The following VWF variants were observed in gnomAD, a reference collection of about 807,000 sequenced individuals.
VWF encodes von Willebrand factor.
VWF carries 176 observed loss-of-function variants against 308.6 expected under a neutral mutation model. The ratio of observed to expected loss-of-function variants is 0.57; its 90% CI spans 0.50 to 0.65. The LOEUF is 0.65. VWF is among the 30% of genes least tolerant of loss of function. The pLI, the probability that VWF is intolerant of heterozygous loss-of-function variation, is 0.00. For missense variants in VWF, 3,146 were observed against 3,648.2 expected, an observed-to-expected ratio of 0.86 and a Z score of 3.55; for synonymous variants, 1,385 against 1,443.4, an observed-to-expected ratio of 0.96 and a Z score of 0.92.
At position 6,072,317 on chromosome 12, in the gene VWF, G is replaced by T; in HGVS notation, c.1109+14C>A. On this transcript the variant is annotated intron_variant, in intron 9 of 51. Coordinates refer to ENST00000261405, the MANE Select transcript of VWF (RefSeq NM_000552.5). ...AGGCAGGTCTCCCAGAGCACGCTGC[G>T]CAGCCCCCATTACCAGGTGTTGCAG... 6.2e-7 allele frequency: 1 copy of T among 1,612,540 alleles called. No homozygotes were observed. The highest frequency in any genetic ancestry group is 8.5e-7 in the Non-Finnish European group (1 of 1,178,888).
At chr12:5,964,274 G>GCATACATACATGCATACATA (rs1943369840) in intron 47 of VWF, among the ~76,000 whole-genome samples, 41 of 134,778 alleles carry the variant, frequency 3.0e-4, no homozygotes, top group African/African-American at 1.2e-3. Flanking sequence ...ATACATACAT[G>GCATACATACATGCATACATA]CATACATACA....
chr12:6,073,791 A>C (rs771098194), intron 7 of VWF, 50 bp from the exon 8 acceptor site: 2 of 1,611,824 alleles, frequency 1.2e-6, no homozygotes, highest in Non-Finnish European at 8.5e-7. Flanking sequence ...CCACCGGTGC[A>C]TCATCTCACC....
chr12:5,994,532 T>A lies in VWF; in HGVS notation c.6139A>T (p.Met2047Leu). The change falls in exon 36 of 52, where the codon ATG becomes TTG. Residue 2047 changes from methionine to leucine, a missense_variant. Met to Leu is a conservative substitution (Grantham distance 15, BLOSUM62 2). This residue lies in a region of VWF where 989 missense variants were observed against 1,117.4 expected (regional missense o/e 0.89). Transcript: ENST00000261405. ...NMEVNVYGAI[M>L]HEVRFNHLGH... The stretch of plus-strand genomic sequence containing the variant: ...AGGTGATTGAATCTGACCTCATGCA[T>A]GATGGCACCATAAACGTTGACTTCC... The A allele has an allele frequency of 6.2e-7, 1 of 1,614,048 alleles. No individual in the cohort carries two copies. The highest frequency in any genetic ancestry group is 8.5e-7 in the Non-Finnish European group (1 of 1,179,926).
chr12:6,084,187 C>A (rs1944945141), intron 6 of VWF, among the ~76,000 whole-genome samples: 2 of 152,216 alleles, frequency 1.3e-5, no homozygotes. Flanking sequence ...TGAGATGACA[C>A]CAGGAAATCA....
rs1262961896 is a variant in VWF at position 6,030,814 on chromosome 12, G to A, written c.2820+630C>T. 2.0e-5 allele frequency among the ~76,000 whole-genome samples: 3 copies of A among 152,122 alleles called. 1 individual carries two copies. The highest frequency in any genetic ancestry group is 4.4e-5 in the Non-Finnish European group (3 of 68,012). On this transcript the variant is annotated intron_variant, in intron 21 of 51. Coordinates refer to ENST00000261405, the MANE Select transcript of VWF (RefSeq NM_000552.5). ...AGGCCAAGGCAGGTAGATCACCTGGGGTCTGGAGTTCGAGACCAGCCTGGC... is the reference window on the plus strand; with the variant it reads ...AGGCCAAGGCAGGTAGATCACCTGGAGTCTGGAGTTCGAGACCAGCCTGGC...
chr12:6,038,695 C>T (rs576012392), intron 18 of VWF, among the ~76,000 whole-genome samples: 1 of 152,194 alleles, frequency 6.6e-6, no homozygotes, highest in South Asian at 2.1e-4. Flanking sequence ...TCTGCCGACT[C>T]GTGTTAGCAA....
intron 15 of VWF, among the ~76,000 whole-genome samples, chr12:6,055,198 T>G (rs761957275): frequency 3.9e-5 from 6 of 152,194 alleles, no homozygotes; most frequent in Non-Finnish European, 1.5e-5. Context: ...TTAAAGAATA[T>G]TTCAGTGGGC....
rs1190167151 is a variant in VWF at position 6,108,763 on chromosome 12, C to T, written c.532+1611G>A. On this transcript the variant is annotated intron_variant, in intron 5 of 51. Transcript: ENST00000261405. The stretch of plus-strand genomic sequence containing the variant: ...TTGGGAGGCCGAGGGGGGCAGATCA[C>T]GAGGTCAGGAGTTGGAGACCACCCT... Among the ~76,000 whole-genome samples, 7 of 151,994 alleles carry T rather than the reference C, an allele frequency of 4.6e-5. No individual in the cohort carries two copies. In the East Asian group the frequency reaches 5.8e-4, roughly 13 times the overall value.
intron 6 of VWF, among the ~76,000 whole-genome samples, chr12:6,081,626 C>G (rs1362014789): frequency 6.6e-6 from 1 of 152,226 alleles, no homozygotes; most frequent in Non-Finnish European, 1.5e-5. Context: ...GAGTGAGCCA[C>G]GGCACCTGGC....
Position 6,029,437 on chromosome 12 carries a change from A to C in VWF, c.2872T>G (p.Ser958Ala). The stretch of plus-strand genomic sequence containing the variant: ...AGCAGCAGAATGATGTACCGGCCAG[A>C]CTCCACCACCTCAAAGTGAGTCTCA... ...KDETHFEVVE[S>A]GRYIILLLGK... The change falls in exon 22 of 52, where the codon TCT (serine) becomes GCT (alanine). Residue 958 changes from serine to alanine, a missense_variant. Coordinates refer to ENST00000261405, the MANE Select transcript of VWF (RefSeq NM_000552.5). 1 of 1,613,998 alleles carries C rather than the reference A, an allele frequency of 6.2e-7. No individual in the cohort carries two copies. The highest frequency in any genetic ancestry group is 8.5e-7 in the Non-Finnish European group (1 of 1,180,004).
chr12:6,021,997 G>A lies in VWF; in HGVS notation c.3577C>T (p.Pro1193Ser). 1.2e-6 allele frequency: 2 copies of A among 1,614,104 alleles called. No individual in the cohort carries two copies. ...ACCTCACACACTGGACAGTCTTCAG[G>A]GTCAACGCAGGTCTGCAAAAGCTCA... is the stretch of plus-strand genomic sequence containing the variant. ...LDELLQTCVDPEDCPVCEVAG... is the reference protein window; with the variant it reads ...LDELLQTCVDSEDCPVCEVAG... Residue 1193 changes from proline (P) to serine (S), a missense_variant, in exon 27 of 52, where the codon CCT (proline) becomes TCT (serine). Pro to Ser is a moderately conservative substitution (Grantham distance 74). Transcript: ENST00000261405.
At chr12:5,985,469 A>T in intron 39 of VWF, 94 bp downstream of exon 39, 1 of 1,341,834 alleles carries the variant, frequency 7.5e-7, no homozygotes, top group East Asian at 2.5e-5. Flanking sequence ...CCAGTGTTTG[A>T]GTCTGCTCTG....
Position 6,009,552 on chromosome 12 carries a change from A to G in VWF, c.5842+2065T>C, listed in dbSNP as rs184442198. On this transcript the variant is annotated intron_variant, in intron 34 of 51. Transcript: ENST00000261405. The stretch of plus-strand genomic sequence containing the variant: ...GAATGTAAAGTGGTGTCGCGACTAC[A>G]GAAAACAGTAAGAAGGTTCCTCAAA... Among the ~76,000 whole-genome samples the G allele has an allele frequency of 2.3e-3, 356 of 152,292 alleles. 1 individual carries two copies. Among genetic ancestry groups the G allele is most frequent in the African/African-American group, 7.9e-3 (327 of 41,562 alleles).
In VWF at chr12:6,046,198, T is replaced by C. The variant is rs1476983934; in HGVS notation, c.2281+525A>G. 6.6e-6 allele frequency among the ~76,000 whole-genome samples: 1 copy of C among 151,968 alleles called. No individual in the cohort carries two copies. Among genetic ancestry groups the C allele is most frequent in the Non-Finnish European group, 1.5e-5 (1 of 67,994 alleles). ...GAGATTGCACCACTGCACTCCAACC[T>C]GGGTGACAGAGTGAGACTCTCAAAA... On this transcript the variant is annotated intron_variant, in intron 17 of 51. Coordinates refer to ENST00000261405, the MANE Select transcript of VWF (RefSeq NM_000552.5). This position sits in a 1 kb window ranked among gnomAD's most constrained non-coding sequence, Gnocchi z 5.0.
chr12:5,955,153 A>C (rs1260508450), intron 47 of VWF, among the ~76,000 whole-genome samples: 2 of 152,234 alleles, frequency 1.3e-5, no homozygotes, highest in African/African-American at 4.8e-5. Flanking sequence ...GATCTATACC[A>C]AGAGAATTAT....
Position 5,994,194 on chromosome 12 carries a change from T to C in VWF, c.6266A>G (p.Asp2089Gly), listed in dbSNP as rs1413291063. The C allele has an allele frequency of 4.3e-6, 7 of 1,613,960 alleles. No homozygotes were observed. The highest frequency in any genetic ancestry group is 5.1e-6 in the Non-Finnish European group (6 of 1,180,040). Residue 2089 changes from aspartate to glycine, a missense_variant, in exon 37 of 52, where the codon GAT (aspartate) becomes GGT (glycine). Physicochemically the swap from Asp to Gly is moderately conservative, Grantham distance 94. Transcript: ENST00000261405. ...SKTYGLCGIC[D>G]ENGANDFMLR... ...CATGAAGTCATTGGCTCCGTTCTCA[T>C]CACAGATCCCTAGAGAAACAAACAA...
intron 6 of VWF, among the ~76,000 whole-genome samples, chr12:6,094,722 T>C (rs1945085813): frequency 6.6e-6 from 1 of 152,054 alleles, no homozygotes; most frequent in African/African-American, 2.4e-5. Flanking sequence ...TTTTTCTTTT[T>C]TTTTAATTGA....
At chr12:6,037,615 C>G (rs1488756880) in intron 18 of VWF, among the ~76,000 whole-genome samples, 1 of 152,228 alleles carries the variant, frequency 6.6e-6, no homozygotes, top group Non-Finnish European at 1.5e-5. Flanking sequence ...GTCCCGACTC[C>G]AAGGGGCAGC....
intron 5 of VWF, among the ~76,000 whole-genome samples, chr12:6,100,918 A>G (rs958193529): frequency 6.6e-5 from 10 of 152,138 alleles, no homozygotes; most frequent in African/African-American, 1.7e-4. Flanking sequence ...AGACACAGAA[A>G]TAGCAAGAGT....
Sources: allele counts gnomAD v4.1 joint callset (sites outside exome capture counted in the v4.1 genomes callset), GRCh38; gene constraint gnomAD v4.1.1; regional missense constraint gnomAD v4.1.1; non-coding constraint Gnocchi (gnomAD v3.1); transcripts MANE v1.5; gene names NCBI Gene and HGNC (gene_info 2026-07-23, HGNC 2026-07-21).